Variants in DLG2 observed in about 807,000 individuals in gnomAD.
DLG2 encodes the protein discs large MAGUK scaffold protein 2.
Under a neutral mutation model 132.5 loss-of-function variants are expected in DLG2, and 45 were observed. The observed-to-expected ratio is 0.34, with a 90% CI of 0.27 to 0.44. The LOEUF is 0.44. Ranked by LOEUF, DLG2 falls within the 20% of genes least tolerant of loss-of-function variation. DLG2 has a pLI of 1.00. For missense variants in DLG2, 1,045 were observed against 1,196.9 expected (o/e 0.87, Z 1.87); for synonymous variants, 424 against 419.6 (o/e 1.01, Z -0.13).
At chr11:83,829,663 C>T (rs115468648) in intron 17 of DLG2, among the ~76,000 whole-genome samples, 1,967 of 152,266 alleles carry the variant, frequency 0.013, 54 homozygotes, top group African/African-American at 0.045. Context: ...TTGAGCTTCT[C>T]AAGACTGTTC....
intron 3 of DLG2, among the ~76,000 whole-genome samples, chr11:85,432,074 C>T (rs776619496): frequency 2.0e-5 from 3 of 152,122 alleles, no homozygotes; most frequent in Non-Finnish European, 2.9e-5. Context: ...GCAGCCCTAC[C>T]GAAGAGGAAC....
At chr11:84,186,538 T>A (rs112886176) in intron 8 of DLG2, among the ~76,000 whole-genome samples, 348 of 152,064 alleles carry the variant, frequency 2.3e-3, no homozygotes, top group African/African-American at 7.8e-3. Context: ...CTATAAATAT[T>A]TGTTAGATTG....
At chr11:85,080,329 A>C (rs972712346) in intron 6 of DLG2, among the ~76,000 whole-genome samples, 4 of 152,112 alleles carry the variant, frequency 2.6e-5, no homozygotes, top group Non-Finnish European at 4.4e-5. Flanking sequence ...CTGATTTTGT[A>C]AGCTATATAG....
At chr11:84,356,999 G>T (rs1207341145) in intron 7 of DLG2, among the ~76,000 whole-genome samples, 1 of 151,996 alleles carries the variant, frequency 6.6e-6, no homozygotes, top group Non-Finnish European at 1.5e-5. Context: ...TAAGAGAGTT[G>T]CACGATGAGA....
chr11:85,185,718 T>C (rs2152520796), intron 4 of DLG2, among the ~76,000 whole-genome samples: 1 of 151,980 alleles, frequency 6.6e-6, no homozygotes, highest in East Asian at 1.9e-4. Flanking sequence ...CTCTGCATAC[T>C]TACAGCTAAG....
Position 84,858,975 on chromosome 11 carries a change from T to C in DLG2, c.357+252686A>G, listed in dbSNP as rs73516925. 1.6e-3 allele frequency among the ~76,000 whole-genome samples: 237 copies of C among 152,164 alleles called. 1 individual carries two copies. Among genetic ancestry groups the C allele is most frequent in the African/African-American group, 5.5e-3 (228 of 41,556 alleles). On this transcript the variant is annotated intron_variant, in intron 6 of 27. Transcript: ENST00000376104. ...TTCAGGCACTTATTGTTTAGCTATA[T>C]AACTTTGGTCAAGATGCTTAATCTT...
At chr11:85,025,610 A>G (rs2060448935) in intron 6 of DLG2, among the ~76,000 whole-genome samples, 1 of 152,208 alleles carries the variant, frequency 6.6e-6, no homozygotes, top group South Asian at 2.1e-4. Flanking sequence ...TATACAGTTA[A>G]TGAAATTTTA....
chr11:85,079,417 A>C (rs2066952508), intron 6 of DLG2, among the ~76,000 whole-genome samples: 1 of 151,824 alleles, frequency 6.6e-6, no homozygotes, highest in Non-Finnish European at 1.5e-5. Flanking sequence ...ACTCATGTTT[A>C]AGGTTAACTT....
At chr11:84,394,409 G>A (rs1481691613) in intron 7 of DLG2, among the ~76,000 whole-genome samples, 2 of 150,392 alleles carry the variant, frequency 1.3e-5, no homozygotes, top group Non-Finnish European at 3.0e-5. Flanking sequence ...TAGCATGACA[G>A]TTATTTTCTC....
At chr11:83,499,875 AT>A (rs1170898319) in intron 21 of DLG2, among the ~76,000 whole-genome samples, 6 of 119,876 alleles carry the variant, frequency 5.0e-5, no homozygotes, top group Non-Finnish European at 6.9e-5. Flanking sequence ...ATATATATAT[AT>A]ATATATATAT....
At chr11:84,034,348 AG>A (rs759993187) in intron 11 of DLG2, among the ~76,000 whole-genome samples, 1 of 152,190 alleles carries the variant, frequency 6.6e-6, no homozygotes, top group Non-Finnish European at 1.5e-5. Flanking sequence ...ACTACAGTAT[AG>A]TGTAAACATA....
intron 4 of DLG2, among the ~76,000 whole-genome samples, chr11:85,170,003 C>T (rs2078728639): frequency 6.6e-6 from 1 of 152,126 alleles, no homozygotes; most frequent in Admixed American, 6.5e-5. Context: ...AAAGTTTCCC[C>T]AAGCCACCTA....
At chr11:84,923,351 A>G (rs2092848750) in intron 6 of DLG2, 3 of 1,204,666 alleles carry the variant, frequency 2.5e-6, no homozygotes, top group South Asian at 6.8e-5. Context: ...AATTTCAATT[A>G]GATGAGAATT....
At chr11:85,075,302 A>T (rs2154169062) in intron 6 of DLG2, among the ~76,000 whole-genome samples, 1 of 152,058 alleles carries the variant, frequency 6.6e-6, no homozygotes, top group South Asian at 2.1e-4. Flanking sequence ...CCTAATAATT[A>T]TAATTCTAGG....
intron 6 of DLG2, among the ~76,000 whole-genome samples, chr11:84,737,100 T>C (rs1369741736): frequency 6.6e-6 from 1 of 151,974 alleles, no homozygotes; most frequent in Non-Finnish European, 1.5e-5. Flanking sequence ...GGAATAGATA[T>C]TGATTTTGTC....
At position 84,664,405 on chromosome 11, in the gene DLG2, AAGTT is replaced by A. The variant is rs549443070; in HGVS notation, c.358-129678_358-129675del. On this transcript the variant is annotated intron_variant, in intron 6 of 27. Transcript: ENST00000376104. ...TATAATGAAAATGACAACTGACTCTAAGTTAGTAACTACACTTATAATTAACAGA... is the reference window on the plus strand; with the variant it reads ...TATAATGAAAATGACAACTGACTCTAAGTAACTACACTTATAATTAACAGA... 2.9e-3 allele frequency among the ~76,000 whole-genome samples: 439 copies of A among 152,316 alleles called. 1 individual carries two copies. The highest frequency in any genetic ancestry group is 3.3e-3 in the Non-Finnish European group (223 of 68,028).
At chr11:83,899,020 T>C (rs2154096954) in intron 15 of DLG2, among the ~76,000 whole-genome samples, 1 of 152,308 alleles carries the variant, frequency 6.6e-6, no homozygotes, top group South Asian at 2.1e-4. Flanking sequence ...TTACCAGGTG[T>C]CAGATGGCTG....
At chr11:84,469,027 T>C (rs943939183) in intron 7 of DLG2, among the ~76,000 whole-genome samples, 1 of 151,532 alleles carries the variant, frequency 6.6e-6, no homozygotes, top group African/African-American at 2.4e-5. Flanking sequence ...AACCAGTCTA[T>C]CCCAGTACTT....
At chr11:84,126,229 T>C (rs1354482767) in intron 9 of DLG2, among the ~76,000 whole-genome samples, 2 of 152,126 alleles carry the variant, frequency 1.3e-5, no homozygotes, top group Non-Finnish European at 2.9e-5. Context: ...AGAATTAGTA[T>C]AGTTACCTGG....
Sources: allele counts gnomAD v4.1 joint callset (sites outside exome capture counted in the v4.1 genomes callset), GRCh38; gene constraint gnomAD v4.1.1; transcripts MANE v1.5; gene names NCBI Gene and HGNC (gene_info 2026-07-23, HGNC 2026-07-21).